The following CCDC13 variants were observed in gnomAD, a reference collection of about 807,000 sequenced individuals.
The protein encoded by CCDC13 is coiled-coil domain containing 13.
CCDC13 carries 70 observed loss-of-function variants against 87.3 expected under a neutral mutation model. The ratio of observed to expected loss-of-function variants is 0.80; its 90% CI spans 0.66 to 0.98. CCDC13 has a LOEUF of 0.98. Among genes scored for constraint, CCDC13 ranks in the 50% least tolerant of loss-of-function variants. CCDC13 has a pLI of 0.00. For missense variants in CCDC13, 842 were observed against 892.0 expected, an observed-to-expected ratio of 0.94 and a Z score of 0.71; for synonymous variants, 317 against 360.3, an observed-to-expected ratio of 0.88 and a Z score of 1.36.
At chr3:42,747,156 G>A in intron 6 of CCDC13, 101 bp downstream of exon 6, 1 of 872,858 alleles carries the variant, frequency 1.1e-6, no homozygotes, top group Non-Finnish European at 2.0e-6. Flanking sequence ...TCAAGGGACT[G>A]AGCACTCATG....
intron 8 of CCDC13, among the ~76,000 whole-genome samples, chr3:42,741,830 A>G (rs1209795650): frequency 6.6e-6 from 1 of 152,156 alleles, no homozygotes; most frequent in Non-Finnish European, 1.5e-5. Flanking sequence ...GGCCCTGTCC[A>G]CTTCTGTGGT....
In CCDC13 at chr3:42,708,774, C is replaced by T. The variant is rs776760869; in HGVS notation, c.*206G>A. ...CTGTAACCCAGCCAGCCCAGGGTCTCCTGCAGTGTCCCACCAGGGCTTCTC... is the reference window on the plus strand; with the variant it reads ...CTGTAACCCAGCCAGCCCAGGGTCTTCTGCAGTGTCCCACCAGGGCTTCTC... On this transcript the variant is annotated 3_prime_UTR_variant, in exon 16 of 16. Coordinates refer to ENST00000310232, the MANE Select transcript of CCDC13 (RefSeq NM_144719.4). 6 of 506,346 alleles carry T rather than the reference C, an allele frequency of 1.2e-5. No homozygotes were observed. Among genetic ancestry groups the T allele is most frequent in the South Asian group, 3.3e-5 (1 of 30,060 alleles). The allele number at this position is 506,346 out of a possible 1,614,324, so 31.4% of individuals were successfully genotyped here.
intron 1 of CCDC13, among the ~76,000 whole-genome samples, chr3:42,771,289 T>G (rs1175214352): frequency 6.6e-6 from 1 of 152,264 alleles, no homozygotes; most frequent in African/African-American, 2.4e-5. Context: ...TACCAGTGAT[T>G]GTAAATCCCT....
chr3:42,711,334 A>C (rs2125867605), intron 14 of CCDC13, among the ~76,000 whole-genome samples: 1 of 152,212 alleles, frequency 6.6e-6, no homozygotes, highest in South Asian at 2.1e-4. Flanking sequence ...GGGACTGAAA[A>C]GGCCCTCAGA....
chr3:42,766,635 C>CCAAA, intron 1 of CCDC13, among the ~76,000 whole-genome samples: 1 of 146,940 alleles, frequency 6.8e-6, no homozygotes, highest in Non-Finnish European at 1.5e-5. Context: ...AACCAACCAA[C>CCAAA]CAAACAAACA....
In CCDC13 at chr3:42,705,769, G is replaced by C. The variant is rs2125863713; in HGVS notation, c.*3211C>G. On this transcript the variant is annotated 3_prime_UTR_variant, in exon 16 of 16. Coordinates refer to ENST00000310232, the MANE Select transcript of CCDC13 (RefSeq NM_144719.4). ...TGGTACTAACCTGGACAGACCAGCT[G>C]CCTGGCTGTGCACCTGGCCCACCTA... Among the ~76,000 whole-genome samples, 1 of 152,282 alleles carries C rather than the reference G, an allele frequency of 6.6e-6. No individual in the cohort carries two copies. Among genetic ancestry groups the C allele is most frequent in the African/African-American group, 2.4e-5 (1 of 41,554 alleles).
chr3:42,716,287 T>G (rs546600801), intron 13 of CCDC13, among the ~76,000 whole-genome samples: 1 of 152,140 alleles, frequency 6.6e-6, no homozygotes, highest in South Asian at 2.1e-4. Context: ...GAAAGTTCTA[T>G]CTAACCTCCA....
At chr3:42,748,181 A>G (rs1404061553) in intron 5 of CCDC13, among the ~76,000 whole-genome samples, 8 of 152,124 alleles carry the variant, frequency 5.3e-5, no homozygotes, top group Admixed American at 5.2e-4. Context: ...TGTGACTCAT[A>G]GATATTTGAC....
At chr3:42,710,763 G>A (rs913523557) in intron 14 of CCDC13, among the ~76,000 whole-genome samples, 2 of 152,160 alleles carry the variant, frequency 1.3e-5, no homozygotes, top group Non-Finnish European at 2.9e-5. Context: ...CAGCAGAGTG[G>A]CTCTGCCCTC....
chr3:42,751,949 C>G lies in CCDC13; in HGVS notation c.590G>C (p.Gly197Ala). Residue 197 changes from glycine (G) to alanine (A), a missense_variant, in exon 5 of 16, where the codon GGA becomes GCA. Physicochemically the swap from Gly to Ala is moderately conservative, Grantham distance 60. Coordinates refer to ENST00000310232, the MANE Select transcript of CCDC13 (RefSeq NM_144719.4). ...AGAKPPRAQMGDRALLETPEV... is the reference protein window; with the variant it reads ...AGAKPPRAQMADRALLETPEV... ...GAGAATTCATACCAATGCTCTGTCT[C>G]CCATCTGGGCCCTCGGTGGCTTGGC... is the stretch of plus-strand genomic sequence containing the variant. 1 of 1,612,124 alleles carries G rather than the reference C, an allele frequency of 6.2e-7. No homozygotes were observed. The highest frequency in any genetic ancestry group is 8.5e-7 in the Non-Finnish European group (1 of 1,179,942).
chr3:42,754,288 C>T (rs1446204781), intron 3 of CCDC13, among the ~76,000 whole-genome samples: 5 of 152,060 alleles, frequency 3.3e-5, no homozygotes, highest in Non-Finnish European at 5.9e-5. Context: ...GAGTAGCTGC[C>T]CTTGGAATCT....
chr3:42,727,569 A>C (rs565448451), intron 13 of CCDC13, among the ~76,000 whole-genome samples: 152 of 152,300 alleles, frequency 1.0e-3, no homozygotes, highest in Non-Finnish European at 1.7e-3. Context: ...AAGGAAACGA[A>C]TATTCACTAT....
intron 13 of CCDC13, among the ~76,000 whole-genome samples, chr3:42,727,566 C>T (rs931382607): frequency 1.3e-5 from 2 of 151,800 alleles, no homozygotes; most frequent in African/African-American, 4.8e-5. Context: ...CAAAAGGAAA[C>T]GAATATTCAC....
chr3:42,714,145 C>T (rs1698377471), intron 13 of CCDC13: 1 of 152,238 alleles, frequency 6.6e-6, no homozygotes, highest in African/African-American at 2.4e-5. Flanking sequence ...CTGACTTCCT[C>T]CACAGCAACT....
intron 13 of CCDC13, among the ~76,000 whole-genome samples, chr3:42,725,533 C>CAAA (rs56224625): frequency 9.8e-5 from 9 of 91,490 alleles, no homozygotes; most frequent in Non-Finnish European, 1.5e-4. Context: ...GACCCTGTCT[C>CAAA]AAAAAAAAAA....
In CCDC13 at chr3:42,732,931, A is replaced by C; in HGVS notation, c.1551T>G (p.Ala517=). 1 of 1,554,520 alleles carries C rather than the reference A, an allele frequency of 6.4e-7. No homozygotes were observed. The highest frequency in any genetic ancestry group is 8.7e-7 in the Non-Finnish European group (1 of 1,148,276). ...GACTGGGCAGGGAAGGCCTCGTGAG[A>C]GCAGATTCCACCAGTGTGTGGCCCA... The part of the protein sequence containing the change: ...TSLGHTLVES[A]LTRPSLPSPH... The change falls in exon 12 of 16, where the codon GCT becomes GCG. Residue 517 remains alanine (A), a synonymous_variant. Coordinates refer to ENST00000310232, the MANE Select transcript of CCDC13 (RefSeq NM_144719.4).
chr3:42,725,562 A>C (rs1024413241), intron 13 of CCDC13, among the ~76,000 whole-genome samples: 2 of 143,804 alleles, frequency 1.4e-5, no homozygotes, highest in African/African-American at 5.1e-5. Context: ...GACTAAGATA[A>C]TATCCATCTA....
Position 42,758,336 on chromosome 3 carries a change from C to T in CCDC13, c.10G>A (p.Asp4Asn), listed in dbSNP as rs1187176348. ...CGCAAAGTGTTCTGTGAGCTTTCAT[C>T]TGCTGCCATCCTGCCCTAGGCATCA... MAA[D>N]ESSQNTLRLQ... The change falls in exon 2 of 16, where the codon GAT (aspartate) becomes AAT (asparagine). Residue 4 changes from aspartate (D) to asparagine (N), a missense_variant. By Grantham distance (23) the Asp-to-Asn change is conservative. Transcript: ENST00000310232. The T allele has an allele frequency of 3.7e-6, 6 of 1,612,326 alleles. No individual in the cohort carries two copies. Among genetic ancestry groups the T allele is most frequent in the African/African-American group, 1.3e-5 (1 of 74,886 alleles).
At position 42,758,353 on chromosome 3, in the gene CCDC13, T is replaced by C. The variant is rs1458487592; in HGVS notation, c.-6-2A>G. On this transcript the variant is annotated splice_acceptor_variant, in intron 1 of 15. Coordinates refer to ENST00000310232, the MANE Select transcript of CCDC13 (RefSeq NM_144719.4). LOFTEE classifies it low-confidence loss of function (5UTR_SPLICE). ...GCTTTCATCTGCTGCCATCCTGCCCTAGGCATCAGAAATGAAGCCTCAGCT... is the reference window on the plus strand; with the variant it reads ...GCTTTCATCTGCTGCCATCCTGCCCCAGGCATCAGAAATGAAGCCTCAGCT... 1.2e-6 allele frequency: 2 copies of C among 1,611,638 alleles called. No individual in the cohort carries two copies. Among genetic ancestry groups the C allele is most frequent in the Admixed American group, 3.3e-5 (2 of 59,964 alleles).
Sources: gnomAD v4.1 joint callset for allele counts (sites outside exome capture counted in the v4.1 genomes callset) on GRCh38, gnomAD v4.1.1 for gene constraint, MANE v1.5 for transcripts, NCBI Gene and HGNC (gene_info 2026-07-23, HGNC 2026-07-21) for gene names.